LRRC37A2: variants seen among roughly 807,000 people sequenced by gnomAD.
LRRC37A2 encodes the protein leucine rich repeat containing 37 member A2.
In LRRC37A2, 9 loss-of-function variants were observed where a neutral mutation model predicts 68.8. That is an observed-to-expected ratio of 0.13 (90% confidence interval 0.08 to 0.23). LRRC37A2 has a LOEUF of 0.23. Among genes scored for constraint, LRRC37A2 ranks in the 10% least tolerant of loss-of-function variants. The probability of loss-of-function intolerance (pLI) is 1.00; values close to 1 mark genes in which losing one functional copy is unlikely to be tolerated. For synonymous variants in LRRC37A2, 63 were observed against 367.6 expected (o/e 0.17, Z 9.48); for missense variants, 168 against 950.4 (o/e 0.18, Z 10.82).
chr17:46,877,198 C>G, the LRRC37A2 span: 4 of 536,084 alleles, frequency 7.5e-6, no homozygotes, highest in African/African-American at 8.3e-5. Context: ...GGTCCTGTGG[C>G]CCTGCTCAGG....
At chr17:46,894,691 C>T in the LRRC37A2 span, among the ~76,000 whole-genome samples, 1 of 152,210 alleles carries the variant, frequency 6.6e-6, no homozygotes, top group African/African-American at 2.4e-5. Flanking sequence ...AGCCGGCCCC[C>T]CTCCTGTGGA....
chr17:46,657,970 A>AT, the LRRC37A2 span, among the ~76,000 whole-genome samples: 102 of 14,834 alleles, frequency 6.9e-3, 13 homozygotes, highest in East Asian at 0.12. Context: ...TATTTTATTT[A>AT]TTTTTTTTTT....
At chr17:46,821,780 G>A in the LRRC37A2 span, among the ~76,000 whole-genome samples, 1 of 152,190 alleles carries the variant, frequency 6.6e-6, no homozygotes, top group Non-Finnish European at 1.5e-5. Flanking sequence ...TCTCTAGCTG[G>A]CTCGGAGGTT....
At chr17:46,490,394 C>G in the LRRC37A2 span, among the ~76,000 whole-genome samples, 5,744 of 150,150 alleles carry the variant, frequency 0.038, 243 homozygotes, top group Middle Eastern at 0.11. Context: ...AAAGCTTTGA[C>G]TTTCATAAAT....
chr17:46,657,641 C>T, the LRRC37A2 span, among the ~76,000 whole-genome samples: 2 of 125,416 alleles, frequency 1.6e-5, no homozygotes, highest in South Asian at 3.3e-4. Context: ...TCACACTTAA[C>T]GTCCTCCTAA....
intron 3 of LRRC37A2, among the ~76,000 whole-genome samples, chr17:46,517,680 C>CT (rs1180779573): frequency 4.2e-3 from 3 of 706 alleles, no homozygotes; most frequent in Admixed American, 0.024. Flanking sequence ...TTTTTGTTCT[C>CT]TTTTTTTTTT....
chr17:46,979,121 G>T, the LRRC37A2 span: 1 of 1,122,878 alleles, frequency 8.9e-7, no homozygotes, highest in Non-Finnish European at 1.2e-6. Context: ...TGCGGTACGG[G>T]GAGGGGACGA....
At chr17:46,810,597 A>G in the LRRC37A2 span, among the ~76,000 whole-genome samples, 3 of 152,220 alleles carry the variant, frequency 2.0e-5, no homozygotes, top group Non-Finnish European at 4.4e-5. Flanking sequence ...AAACTGAGGG[A>G]GGGAGGAGAC....
At chr17:46,691,405 G>C in the LRRC37A2 span, among the ~76,000 whole-genome samples, 12 of 111,264 alleles carry the variant, frequency 1.1e-4, no homozygotes, top group Non-Finnish European at 2.2e-4. Flanking sequence ...GACCAGCCTG[G>C]CAAACATGGT....
chr17:47,023,567 T>G, the LRRC37A2 span, among the ~76,000 whole-genome samples: 1 of 152,072 alleles, frequency 6.6e-6, no homozygotes, highest in Non-Finnish European at 1.5e-5. Context: ...TGTAATCCCA[T>G]CTACTTGGGA....
chr17:46,778,568 A>G, the LRRC37A2 span, among the ~76,000 whole-genome samples: 1 of 151,808 alleles, frequency 6.6e-6, no homozygotes, highest in African/African-American at 2.4e-5. Flanking sequence ...CTGAAATTCC[A>G]CCATCGCAGA....
At chr17:46,458,722 C>T in the LRRC37A2 span, among the ~76,000 whole-genome samples, 17,061 of 101,894 alleles carry the variant, frequency 0.17, 900 homozygotes, top group Middle Eastern at 0.3. Context: ...TGTATTTTTA[C>T]TAGAGATGGA....
the LRRC37A2 span, among the ~76,000 whole-genome samples, chr17:46,981,039 T>A: frequency 1.1e-4 from 17 of 152,138 alleles, no homozygotes; most frequent in African/African-American, 4.1e-4. Flanking sequence ...CTCACCCGTA[T>A]GTTAATTTGC....
At chr17:46,440,397 A>AT in the LRRC37A2 span, among the ~76,000 whole-genome samples, 302 of 63,984 alleles carry the variant, frequency 4.7e-3, 8 homozygotes, top group Admixed American at 0.02. Flanking sequence ...ATTTTATTTT[A>AT]TTTTTTTTTT....
At chr17:46,734,822 C>T in the LRRC37A2 span, among the ~76,000 whole-genome samples, 20,286 of 152,038 alleles carry the variant, frequency 0.13, 1,846 homozygotes, top group Non-Finnish European at 0.2. Context: ...TTTGAGAGGC[C>T]AAGGCAGGAA....
the LRRC37A2 span, among the ~76,000 whole-genome samples, chr17:46,773,246 G>T: frequency 3.3e-5 from 5 of 152,238 alleles, 1 homozygote; most frequent in African/African-American, 1.2e-4. Flanking sequence ...GCAACGCAAT[G>T]CTACCACAGC....
chr17:46,989,729 A>G, the LRRC37A2 span, among the ~76,000 whole-genome samples: 1 of 152,234 alleles, frequency 6.6e-6, no homozygotes, highest in African/African-American at 2.4e-5. Context: ...GCGCTTGCAC[A>G]ATGGGGCTGG....
chr17:46,838,948 G>A, the LRRC37A2 span, among the ~76,000 whole-genome samples: 1 of 151,998 alleles, frequency 6.6e-6, no homozygotes, highest in Non-Finnish European at 1.5e-5. Context: ...AGTGATCTTG[G>A]CTCACTGCAA....
the LRRC37A2 span, among the ~76,000 whole-genome samples, chr17:46,999,296 C>T: frequency 2.6e-5 from 4 of 152,142 alleles, no homozygotes; most frequent in Non-Finnish European, 5.9e-5. Flanking sequence ...GATGAGATGA[C>T]GCCCTTCATA....
Sources: gnomAD v4.1 joint callset for allele counts (sites outside exome capture counted in the v4.1 genomes callset) on GRCh38, gnomAD v4.1.1 for gene constraint, MANE v1.5 for transcripts, NCBI Gene and HGNC (gene_info 2026-07-23, HGNC 2026-07-21) for gene names.